The following KCNIP4 variants were observed in gnomAD, a reference collection of about 807,000 sequenced individuals.
KCNIP4 encodes potassium voltage-gated channel interacting protein 4, also known as Kv channel-interacting protein 4.
A neutral mutation model predicts 34.0 loss-of-function variants in KCNIP4; 12 were observed. The ratio of observed to expected loss-of-function variants is 0.35; its 90% CI spans 0.23 to 0.57. The LOEUF is 0.57. KCNIP4 is among the 20% of genes least tolerant of loss of function. KCNIP4 has a pLI of 0.83. For synonymous variants in KCNIP4, 124 were observed against 102.2 expected (o/e 1.21, Z -1.29); for missense variants, 238 against 311.7 (o/e 0.76, Z 1.78).
intron 1 of KCNIP4, among the ~76,000 whole-genome samples, chr4:21,141,866 CA>C (rs202219269): frequency 0.098 from 14,393 of 147,046 alleles, 803 homozygotes; most frequent in East Asian, 0.21. Context: ...AAAATAACAA[CA>C]AAAAAAAAAA....
At chr4:21,914,099 AAG>A (rs1728494496) in intron 1 of KCNIP4, among the ~76,000 whole-genome samples, 1 of 152,144 alleles carries the variant, frequency 6.6e-6, no homozygotes, top group African/African-American at 2.4e-5. Context: ...CCCTTCATCC[AAG>A]AGCTATGGAA....
intron 1 of KCNIP4, among the ~76,000 whole-genome samples, chr4:21,795,729 T>C (rs552405086): frequency 1.7e-4 from 26 of 152,282 alleles, no homozygotes; most frequent in African/African-American, 6.3e-4. Context: ...GCATAATCTC[T>C]GGTAAATCTG....
chr4:21,248,623 T>C (rs1760464794), intron 1 of KCNIP4, among the ~76,000 whole-genome samples: 1 of 152,148 alleles, frequency 6.6e-6, no homozygotes, highest in African/African-American at 2.4e-5. Flanking sequence ...CTGACTGACC[T>C]ACTGGGATTA....
intron 1 of KCNIP4, among the ~76,000 whole-genome samples, chr4:21,742,712 C>T (rs1378581373): frequency 2.0e-5 from 3 of 152,144 alleles, no homozygotes; most frequent in Non-Finnish European, 4.4e-5. Context: ...GACTTAGTCT[C>T]ACTTCTCAAG....
intron 1 of KCNIP4, among the ~76,000 whole-genome samples, chr4:21,663,401 C>T (rs1421978523): frequency 1.3e-5 from 2 of 152,090 alleles, no homozygotes; most frequent in South Asian, 2.1e-4. Flanking sequence ...AGGTGCCCAT[C>T]GGAGGAACAT....
chr4:21,005,046 T>A (rs1738440322), intron 1 of KCNIP4, among the ~76,000 whole-genome samples: 1 of 152,104 alleles, frequency 6.6e-6, no homozygotes. Flanking sequence ...AAACTGAGAC[T>A]CATGTGAATA....
intron 1 of KCNIP4, among the ~76,000 whole-genome samples, chr4:21,861,656 CAAAA>C (rs59277001): frequency 9.9e-6 from 1 of 101,314 alleles, no homozygotes; most frequent in Non-Finnish European, 1.9e-5. Context: ...GACTCCGTCT[CAAAA>C]AAAAAAAAAA....
At position 20,758,867 on chromosome 4, in the gene KCNIP4, A is replaced by G; in HGVS notation, c.312T>C (p.Asn104=). The G allele has an allele frequency of 6.2e-7, 1 of 1,613,412 alleles. No individual in the cohort carries two copies. Among genetic ancestry groups the G allele is most frequent in the Non-Finnish European group, 8.5e-7 (1 of 1,179,486 alleles). The stretch of plus-strand genomic sequence containing the variant: ...AGTAAATCTCTTTGAAGGTTTCTTC[A>G]TTAACAACACCACTGGGGCATTCCT... The part of the protein sequence containing the change: ...FKNECPSGVV[N]EETFKEIYSQ... Residue 104 remains asparagine (N), a synonymous_variant, in exon 4 of 9, where the codon AAT becomes AAC. Transcript: ENST00000382152.
rs1223938704 is a variant in KCNIP4, at chr4:21,156,349, A to G, written c.62-273640T>C. Among the ~76,000 whole-genome samples, 13 of 152,302 alleles carry G rather than the reference A, an allele frequency of 8.5e-5. No homozygotes were observed. In the East Asian group the frequency reaches 2.5e-3, roughly 29 times the overall value. ...GAACAGGAATGTTGTTAATAGCTTC[A>G]GGGCTAAAATGGTTATGAAAGTGCA... On this transcript the variant is annotated intron_variant, in intron 1 of 8. Transcript: ENST00000382152.
intron 1 of KCNIP4, among the ~76,000 whole-genome samples, chr4:21,769,829 A>C (rs1210204353): frequency 6.6e-6 from 1 of 152,152 alleles, no homozygotes; most frequent in Non-Finnish European, 1.5e-5. Context: ...GTTCGTCAAT[A>C]AAAAGCAAAA....
intron 1 of KCNIP4, chr4:21,316,575 C>T (rs1039495649): frequency 4.6e-5 from 7 of 152,256 alleles, no homozygotes; most frequent in South Asian, 4.1e-4. Flanking sequence ...GTCACCTTTG[C>T]GCATGAAAAG....
chr4:20,890,078 C>T lies in KCNIP4; in HGVS notation c.62-7369G>A, dbSNP rs79858054. Among the ~76,000 whole-genome samples the T allele has an allele frequency of 1.5e-3, 223 of 152,188 alleles. 3 individuals carry two copies. The East Asian group carries it at 0.025, about 17-fold the overall frequency. Reference sequence around the variant, plus strand: ...ATAATACCTATGACATTGCAGATCCCGAATTCCCTGAGGGGAGGATTCTGT... The same window carrying T: ...ATAATACCTATGACATTGCAGATCCTGAATTCCCTGAGGGGAGGATTCTGT... On this transcript the variant is annotated intron_variant, in intron 1 of 8. Coordinates refer to ENST00000382152, the MANE Select transcript of KCNIP4 (RefSeq NM_025221.6).
At chr4:21,661,222 T>G (rs1748426435) in intron 1 of KCNIP4, among the ~76,000 whole-genome samples, 1 of 152,096 alleles carries the variant, frequency 6.6e-6, no homozygotes, top group Admixed American at 6.6e-5. Context: ...TAGAGCCACC[T>G]CCTTCACTCA....
At chr4:20,992,910 C>T (rs762276878) in intron 1 of KCNIP4, among the ~76,000 whole-genome samples, 2 of 151,588 alleles carry the variant, frequency 1.3e-5, no homozygotes, top group Non-Finnish European at 2.9e-5. Flanking sequence ...CACCTGTAAT[C>T]CCAGCTACTC....
At chr4:20,864,137 T>C (rs1047949864) in intron 2 of KCNIP4, among the ~76,000 whole-genome samples, 78 of 144,704 alleles carry the variant, frequency 5.4e-4, no homozygotes, top group African/African-American at 1.9e-3. Context: ...CACATGTATG[T>C]ATACATATCC....
At chr4:20,975,748 C>T (rs1358650448) in intron 1 of KCNIP4, among the ~76,000 whole-genome samples, 1 of 152,130 alleles carries the variant, frequency 6.6e-6, no homozygotes, top group African/African-American at 2.4e-5. Flanking sequence ...AACTCTAGAA[C>T]AAGGGCTGGC....
At chr4:21,602,840 CT>C (rs990597651) in intron 1 of KCNIP4, among the ~76,000 whole-genome samples, 1 of 152,026 alleles carries the variant, frequency 6.6e-6, no homozygotes, top group African/African-American at 2.4e-5. Flanking sequence ...TACTTTAAAT[CT>C]CTTCTTAATT....
rs553529681 is a variant in KCNIP4, at chr4:21,054,532, A to G, written c.62-171823T>C. On this transcript the variant is annotated intron_variant, in intron 1 of 8. Coordinates refer to ENST00000382152, the MANE Select transcript of KCNIP4 (RefSeq NM_025221.6). ...GAAACTCTGTCAAAGAAAAAAAAAAAAAGAATAGACAAAGAGGTGAATGGA... is the reference window on the plus strand; with the variant it reads ...GAAACTCTGTCAAAGAAAAAAAAAAGAAGAATAGACAAAGAGGTGAATGGA... Among the ~76,000 whole-genome samples, 23 of 152,136 alleles carry G rather than the reference A, an allele frequency of 1.5e-4. No individual in the cohort carries two copies. The East Asian group carries it at 4.1e-3, about 27-fold the overall frequency.
chr4:21,368,295 T>C lies in KCNIP4; in HGVS notation c.62-485586A>G, dbSNP rs1050467327. Among the ~76,000 whole-genome samples, 4 of 146,926 alleles carry C rather than the reference T, an allele frequency of 2.7e-5. No individual in the cohort carries two copies. The East Asian group carries it at 6.0e-4, about 22-fold the overall frequency. On this transcript the variant is annotated intron_variant, in intron 1 of 8. Transcript: ENST00000382152. ...GTTAGTTTGACAATACTGACTACAC[T>C]ACACATAAAAATAAAGTTCAAATCT...
Sources: gnomAD v4.1 joint callset for allele counts (sites outside exome capture counted in the v4.1 genomes callset) on GRCh38, gnomAD v4.1.1 for gene constraint, MANE v1.5 for transcripts, NCBI Gene and HGNC (gene_info 2026-07-23, HGNC 2026-07-21) for gene names.